SORCS3: variants seen among roughly 807,000 people sequenced by gnomAD.
SORCS3 encodes VPS10 domain-containing receptor SorCS3.
In SORCS3, 57 loss-of-function variants were observed where a neutral mutation model predicts 146.3. The ratio of observed to expected loss-of-function variants is 0.39; its 90% CI spans 0.31 to 0.49. The LOEUF (loss-of-function observed/expected upper bound fraction) is 0.49. Ranked by LOEUF, SORCS3 falls within the 20% of genes least tolerant of loss-of-function variation. SORCS3 has a pLI of 0.92. For missense variants in SORCS3, 1,341 were observed against 1,575.5 expected, an observed-to-expected ratio of 0.85 and a Z score of 2.52; for synonymous variants, 653 against 618.5, an observed-to-expected ratio of 1.06 and a Z score of -0.83.
At chr10:104,915,791 G>T (rs1564712468) in intron 2 of SORCS3, 42 bp from the exon 3 acceptor site, 1 of 1,571,222 alleles carries the variant, frequency 6.4e-7, no homozygotes, top group African/African-American at 1.3e-5. Flanking sequence ...CTGCCCATTG[G>T]TAAAATGATC....
At position 105,049,023 on chromosome 10, in the gene SORCS3, G is replaced by A. The variant is rs531196365; in HGVS notation, c.1028+5895G>A. On this transcript the variant is annotated intron_variant, in intron 5 of 26. Transcript: ENST00000369701. ...ACATTTTTGATGATCATAAGTAATG[G>A]TTTTATTGACATTTGTATGCATAGG... Among the ~76,000 whole-genome samples, 59 of 152,062 alleles carry A rather than the reference G, an allele frequency of 3.9e-4. No individual in the cohort carries two copies. The Middle Eastern group carries it at 0.01, about 26-fold the overall frequency.
intron 13 of SORCS3, among the ~76,000 whole-genome samples, chr10:105,167,732 A>G (rs1290967570): frequency 6.6e-6 from 1 of 152,180 alleles, no homozygotes; most frequent in East Asian, 1.9e-4. Flanking sequence ...AGTGGTTTCT[A>G]TGAATATTTC....
intron 2 of SORCS3, among the ~76,000 whole-genome samples, chr10:104,897,152 T>C (rs1032251814): frequency 1.3e-5 from 2 of 152,192 alleles, no homozygotes; most frequent in African/African-American, 4.8e-5. Flanking sequence ...ACTTTCAGCT[T>C]TGTTAAGCTT....
chr10:104,819,904 G>A (rs1298861334), intron 1 of SORCS3, among the ~76,000 whole-genome samples: 1 of 152,170 alleles, frequency 6.6e-6, no homozygotes, highest in East Asian at 1.9e-4. Flanking sequence ...AGCCAAGATT[G>A]CTCATGCAGC....
intron 5 of SORCS3, among the ~76,000 whole-genome samples, chr10:105,068,980 T>C (rs1341968531): frequency 6.6e-6 from 1 of 152,202 alleles, no homozygotes; most frequent in East Asian, 1.9e-4. Flanking sequence ...CAGAATATGC[T>C]CACCTGATTT....
chr10:104,823,954 G>A (rs1282751513), intron 1 of SORCS3, among the ~76,000 whole-genome samples: 3 of 152,134 alleles, frequency 2.0e-5, no homozygotes, highest in Non-Finnish European at 2.9e-5. Context: ...AGAAAGACCT[G>A]ACCAGCCATT....
At chr10:104,684,615 G>C (rs1006978725) in intron 1 of SORCS3, among the ~76,000 whole-genome samples, 1 of 152,032 alleles carries the variant, frequency 6.6e-6, no homozygotes, top group Non-Finnish European at 1.5e-5. Flanking sequence ...CTGGCCACTC[G>C]TGGGATCTGT....
Position 104,795,434 on chromosome 10 carries a change from A to AT in SORCS3, c.628-47356dup, listed in dbSNP as rs200269866. Among the ~76,000 whole-genome samples the AT allele has an allele frequency of 1.0e-2, 1,522 of 152,364 alleles. 13 individuals carry two copies. Among genetic ancestry groups the AT allele is most frequent in the Non-Finnish European group, 0.014 (963 of 68,028 alleles). On this transcript the variant is annotated intron_variant, in intron 1 of 26. Coordinates refer to ENST00000369701, the MANE Select transcript of SORCS3 (RefSeq NM_014978.3). Reference sequence around the variant, plus strand: ...TACATAGTATTTGTATTCCTAGAAAATTCAGTCCATTAACACTATACAAAA... The same window carrying AT: ...TACATAGTATTTGTATTCCTAGAAAATTTCAGTCCATTAACACTATACAAAA...
intron 5 of SORCS3, among the ~76,000 whole-genome samples, chr10:105,045,892 A>C (rs1175816003): frequency 6.6e-6 from 1 of 152,160 alleles, no homozygotes; most frequent in African/African-American, 2.4e-5. Context: ...TTTGCTGGGC[A>C]CAAATGTGAA....
rs182934655 is a variant in SORCS3, at chr10:105,223,031, A to T, written c.2735-85A>T. ...CCTTTTTTACAGGAGATGCGAATAG[A>T]ATTTAAGGTTAAGAATCTAGGGGTG... On this transcript the variant is annotated intron_variant, in intron 19 of 26. Transcript: ENST00000369701. 6.5e-6 allele frequency: 9 copies of T among 1,388,948 alleles called. No homozygotes were observed. In the East Asian group the frequency reaches 2.1e-4, roughly 33 times the overall value. 86.0% of individuals were successfully genotyped at this position (1,388,948 alleles called of 1,614,324 possible).
At chr10:105,017,592 A>G (rs553918317) in intron 4 of SORCS3, among the ~76,000 whole-genome samples, 1 of 152,300 alleles carries the variant, frequency 6.6e-6, no homozygotes, top group African/African-American at 2.4e-5. Context: ...TTGGAAATAG[A>G]ATATGGAGAT....
At chr10:105,029,966 A>G (rs2055254214) in intron 4 of SORCS3, among the ~76,000 whole-genome samples, 1 of 152,192 alleles carries the variant, frequency 6.6e-6, no homozygotes, top group Admixed American at 6.5e-5. Flanking sequence ...GGATACTGGA[A>G]TGTACATTTT....
chr10:104,705,859 C>T (rs1188905047), intron 1 of SORCS3, among the ~76,000 whole-genome samples: 3 of 152,138 alleles, frequency 2.0e-5, no homozygotes, highest in Admixed American at 6.5e-5. Flanking sequence ...TCCAGGAAGT[C>T]GAGAACTTCT....
At chr10:104,766,722 T>C (rs2017184337) in intron 1 of SORCS3, among the ~76,000 whole-genome samples, 1 of 152,196 alleles carries the variant, frequency 6.6e-6, no homozygotes, top group East Asian at 1.9e-4. Context: ...AAGTGGTAGA[T>C]GGAAGGAAAA....
chr10:104,678,857 G>A (rs905247703), intron 1 of SORCS3, among the ~76,000 whole-genome samples: 1 of 152,148 alleles, frequency 6.6e-6, no homozygotes, highest in Non-Finnish European at 1.5e-5. Context: ...TCAGCTCTTG[G>A]AGCCCAAGCC....
chr10:105,077,808 T>C (rs2055598558), intron 5 of SORCS3, among the ~76,000 whole-genome samples: 1 of 152,214 alleles, frequency 6.6e-6, no homozygotes, highest in Non-Finnish European at 1.5e-5. Context: ...GGGTGTAGCC[T>C]GATCTACTCA....
intron 21 of SORCS3, 79 bp downstream of exon 21, chr10:105,245,744 G>A (rs1306196332): frequency 1.3e-6 from 2 of 1,510,528 alleles, no homozygotes; most frequent in Non-Finnish European, 8.9e-7. Context: ...CAATCATTGA[G>A]TGTGGTGGAA....
intron 23 of SORCS3, among the ~76,000 whole-genome samples, chr10:105,254,978 G>A (rs1286855271): frequency 2.6e-5 from 4 of 151,138 alleles, no homozygotes; most frequent in African/African-American, 9.7e-5. Flanking sequence ...CACGAGGTCA[G>A]GAGATCGAGA....
chr10:105,222,220 A>C (rs1589695396), intron 19 of SORCS3, among the ~76,000 whole-genome samples: 1 of 151,754 alleles, frequency 6.6e-6, no homozygotes, highest in African/African-American at 2.4e-5. Flanking sequence ...CACCATGCCC[A>C]GCTAATTTTT....
Sources: gnomAD v4.1 joint callset for allele counts (sites outside exome capture counted in the v4.1 genomes callset) on GRCh38, gnomAD v4.1.1 for gene constraint, MANE v1.5 for transcripts, NCBI Gene and HGNC (gene_info 2026-07-23, HGNC 2026-07-21) for gene names.